The following AGBL4 variants were observed in gnomAD, a reference collection of about 807,000 sequenced individuals.
The protein encoded by AGBL4 is AGBL carboxypeptidase 4.
In AGBL4, 58 loss-of-function variants were observed where a neutral mutation model predicts 66.4. That is an observed-to-expected ratio of 0.87 (90% CI 0.71 to 1.09). The LOEUF is 1.09. Among genes scored for constraint, AGBL4 ranks in the 50% least tolerant of loss-of-function variants. The probability of loss-of-function intolerance (pLI) is 0.00; values close to 1 mark genes in which losing one functional copy is unlikely to be tolerated. For synonymous variants in AGBL4, 234 were observed against 222.9 expected (o/e 1.05, Z -0.44); for missense variants, 579 against 631.0 (o/e 0.92, Z 0.88).
At chr1:49,789,042 T>G (rs1351535331) in intron 2 of AGBL4, among the ~76,000 whole-genome samples, 1 of 152,236 alleles carries the variant, frequency 6.6e-6, no homozygotes, top group African/African-American at 2.4e-5. Flanking sequence ...TTGAGAGTTT[T>G]GAGCATGAAG....
chr1:49,129,018 A>G (rs1425690344), intron 4 of AGBL4, among the ~76,000 whole-genome samples: 3 of 152,092 alleles, frequency 2.0e-5, no homozygotes, highest in Admixed American at 6.6e-5. Flanking sequence ...CACTAGTAAG[A>G]TAATAGAATC....
intron 3 of AGBL4, among the ~76,000 whole-genome samples, chr1:49,275,730 C>A (rs1012579540): frequency 2.0e-5 from 3 of 152,026 alleles, no homozygotes; most frequent in Non-Finnish European, 4.4e-5. Flanking sequence ...ATCCTAAATT[C>A]TTTCTTGACT....
At chr1:48,955,661 G>C (rs1199067563) in intron 5 of AGBL4, among the ~76,000 whole-genome samples, 1 of 152,280 alleles carries the variant, frequency 6.6e-6, no homozygotes, top group African/African-American at 2.4e-5. Context: ...GGGATTACAG[G>C]CATGAGCCAC....
rs117477416 is a variant in AGBL4 at position 49,673,664 on chromosome 1, C to T, written c.282+23649G>A. On this transcript the variant is annotated intron_variant, in intron 3 of 13. Transcript: ENST00000371839. The stretch of plus-strand genomic sequence containing the variant: ...TTTTCATTGGAAAAAAATCAACAAA[C>T]TTTAATGTTTATTCGGTGAATATTT... Among the ~76,000 whole-genome samples the T allele has an allele frequency of 8.0e-3, 1,218 of 152,142 alleles. 9 individuals are homozygous for T. The highest frequency in any genetic ancestry group is 0.031 in the Middle Eastern group (9 of 294).
Position 48,745,894 on chromosome 1 carries a change from C to G in AGBL4, c.635-82653G>C, listed in dbSNP as rs75899910. On this transcript the variant is annotated intron_variant, in intron 6 of 13. Coordinates refer to ENST00000371839, the MANE Select transcript of AGBL4 (RefSeq NM_032785.4). Reference sequence around the variant, plus strand: ...TACTCTACCATAATAATCAGATGTACTTGTTCGTCTCTATATCTGTCTCCC... The same window carrying G: ...TACTCTACCATAATAATCAGATGTAGTTGTTCGTCTCTATATCTGTCTCCC... 3.0e-3 allele frequency among the ~76,000 whole-genome samples: 449 copies of G among 152,126 alleles called. 4 individuals carry two copies. The highest frequency in any genetic ancestry group is 0.01 in the African/African-American group (426 of 41,482).
intron 6 of AGBL4, among the ~76,000 whole-genome samples, chr1:48,731,062 T>C (rs2148556018): frequency 6.6e-6 from 1 of 152,328 alleles, no homozygotes; most frequent in East Asian, 1.9e-4. Context: ...ACCAACTCTG[T>C]GAGCATAAAG....
chr1:49,105,442 GAA>G (rs1376951044), intron 4 of AGBL4, among the ~76,000 whole-genome samples: 8 of 152,142 alleles, frequency 5.3e-5, no homozygotes, highest in Non-Finnish European at 1.2e-4. Flanking sequence ...GTTACAGAGA[GAA>G]GAGACAGCGT....
chr1:48,769,183 G>C (rs1215961150), intron 6 of AGBL4, among the ~76,000 whole-genome samples: 1 of 152,176 alleles, frequency 6.6e-6, no homozygotes, highest in Non-Finnish European at 1.5e-5. Flanking sequence ...GTGTAATGTA[G>C]GGTAACAGTA....
intron 5 of AGBL4, among the ~76,000 whole-genome samples, chr1:48,912,503 A>T (rs1173875733): frequency 6.6e-6 from 1 of 152,176 alleles, no homozygotes; most frequent in Non-Finnish European, 1.5e-5. Context: ...GACCACTGCC[A>T]CTGGGCTGTA....
chr1:49,485,093 C>A (rs59866017), intron 3 of AGBL4, among the ~76,000 whole-genome samples: 2,749 of 151,882 alleles, frequency 0.018, 79 homozygotes, highest in African/African-American at 0.063. Flanking sequence ...TTGACCCAGC[C>A]ATCCCATTAC....
At chr1:49,240,265 TC>T (rs1651117001) in intron 4 of AGBL4, among the ~76,000 whole-genome samples, 1 of 152,150 alleles carries the variant, frequency 6.6e-6, no homozygotes, top group Non-Finnish European at 1.5e-5. Flanking sequence ...TAAACCTATA[TC>T]TTTTTCATTT....
chr1:49,796,848 T>C (rs938210774), intron 2 of AGBL4, among the ~76,000 whole-genome samples: 1 of 152,038 alleles, frequency 6.6e-6, no homozygotes. Context: ...TTTCAATGGG[T>C]ATAACTTTCC....
At chr1:49,096,111 G>C (rs1645095657) in intron 4 of AGBL4, among the ~76,000 whole-genome samples, 1 of 152,010 alleles carries the variant, frequency 6.6e-6, no homozygotes, top group Non-Finnish European at 1.5e-5. Context: ...CTGGCCATCA[G>C]AGAAATGCAA....
intron 9 of AGBL4, among the ~76,000 whole-genome samples, chr1:48,604,208 A>G (rs572986906): frequency 1.3e-5 from 2 of 152,306 alleles, no homozygotes; most frequent in African/African-American, 4.8e-5. Context: ...GCATCCAAAC[A>G]TGAGACCCAC....
intron 3 of AGBL4, among the ~76,000 whole-genome samples, chr1:49,530,007 C>T (rs1170177974): frequency 6.6e-6 from 1 of 151,666 alleles, no homozygotes; most frequent in Non-Finnish European, 1.5e-5. Flanking sequence ...CCTTGTGTCA[C>T]AATACTTGGC....
rs17105349 is a variant in AGBL4, at chr1:48,988,511, A to G, written c.594+57073T>C. ...CAGAGGCCACAGGATAAGGTCGATA[A>G]ATGAAAGCATGGAAGACAAAACAAC... On this transcript the variant is annotated intron_variant, in intron 5 of 13. Coordinates refer to ENST00000371839, the MANE Select transcript of AGBL4 (RefSeq NM_032785.4). Among the ~76,000 whole-genome samples the G allele has an allele frequency of 8.1e-3, 1,229 of 152,270 alleles. 10 individuals are homozygous for G. Among genetic ancestry groups the G allele is most frequent in the African/African-American group, 0.028 (1,152 of 41,548 alleles).
At chr1:49,923,257 T>C (rs1215682253) in intron 1 of AGBL4, among the ~76,000 whole-genome samples, 1 of 152,190 alleles carries the variant, frequency 6.6e-6, no homozygotes, top group East Asian at 1.9e-4. Flanking sequence ...GATAACTGGT[T>C]AGCCATATGC....
intron 6 of AGBL4, among the ~76,000 whole-genome samples, chr1:48,695,983 A>C (rs551161345): frequency 1.3e-5 from 2 of 152,066 alleles, no homozygotes; most frequent in South Asian, 4.2e-4. Context: ...ATCTTTAAAC[A>C]TCTCTGGTTG....
chr1:48,918,006 T>C (rs908997173), intron 5 of AGBL4, among the ~76,000 whole-genome samples: 3 of 152,180 alleles, frequency 2.0e-5, no homozygotes, highest in African/African-American at 7.2e-5. Flanking sequence ...CCCCTGATGC[T>C]CCGTGATGAG....
Sources: allele counts gnomAD v4.1 joint callset (sites outside exome capture counted in the v4.1 genomes callset), GRCh38; gene constraint gnomAD v4.1.1; transcripts MANE v1.5; gene names NCBI Gene and HGNC (gene_info 2026-07-23, HGNC 2026-07-21).